The following SYT9 variants were observed in gnomAD, a reference collection of about 807,000 sequenced individuals.
SYT9 encodes synaptotagmin 9.
SYT9 carries 22 observed loss-of-function variants against 48.4 expected under a neutral mutation model. That is an observed-to-expected ratio of 0.45 (90% CI 0.32 to 0.65). SYT9 has a LOEUF of 0.65. Ranked by LOEUF, SYT9 falls within the 30% of genes least tolerant of loss-of-function variation. SYT9 has a pLI of 0.03. For synonymous variants in SYT9, 265 were observed against 245.0 expected, an observed-to-expected ratio of 1.08 and a Z score of -0.76; for missense variants, 577 against 622.0, an observed-to-expected ratio of 0.93 and a Z score of 0.77.
rs1434938522 is a variant in SYT9, at chr11:7,313,435, G to T, written c.538G>T (p.Asp180Tyr). Residue 180 changes from aspartate to tyrosine, a missense_variant, in exon 3 of 7, where the codon GAC becomes TAC. By Grantham distance (160) the Asp-to-Tyr change is radical. Transcript: ENST00000318881. ...IRRQLNLSNP[D>Y]FNIQQLQKQE... ...AAGACAACTCAACTTGTCAAACCCG[G>T]ACTTCAATATCCAGCAGCTTCAAAA... 2.5e-6 allele frequency: 4 copies of T among 1,613,496 alleles called. No individual in the cohort carries two copies. The Admixed American group carries it at 6.7e-5, about 27-fold the overall frequency.
chr11:7,328,863 T>C (rs1849481321), intron 3 of SYT9, among the ~76,000 whole-genome samples: 1 of 152,172 alleles, frequency 6.6e-6, no homozygotes, highest in African/African-American at 2.4e-5. Context: ...GGTATGCAAA[T>C]CTTGTGTGGA....
intron 1 of SYT9, among the ~76,000 whole-genome samples, chr11:7,274,420 G>A (rs1448328338): frequency 6.6e-6 from 1 of 150,464 alleles, no homozygotes; most frequent in Admixed American, 6.7e-5. Context: ...GGGTTCAAGC[G>A]ATTCTCCTGC....
intron 1 of SYT9, among the ~76,000 whole-genome samples, chr11:7,261,427 A>C (rs879500672): frequency 6.6e-6 from 1 of 152,174 alleles, no homozygotes; most frequent in Non-Finnish European, 1.5e-5. Context: ...ACCAGGCTCT[A>C]TCCTAGGTAT....
intron 1 of SYT9, among the ~76,000 whole-genome samples, chr11:7,263,419 A>C (rs1008270183): frequency 6.6e-6 from 1 of 152,198 alleles, no homozygotes; most frequent in Non-Finnish European, 1.5e-5. Context: ...AACTCTTAGC[A>C]TTATCATACT....
chr11:7,413,086 C>T (rs767830253), intron 3 of SYT9, among the ~76,000 whole-genome samples: 4 of 152,172 alleles, frequency 2.6e-5, no homozygotes, highest in African/African-American at 7.2e-5. Context: ...GCAGAATGCT[C>T]AGGTGAGGGC....
At chr11:7,347,003 T>C (rs1224282633) in intron 3 of SYT9, among the ~76,000 whole-genome samples, 4 of 152,156 alleles carry the variant, frequency 2.6e-5, no homozygotes, top group Non-Finnish European at 4.4e-5. Context: ...TGCAGGTGGG[T>C]GGGGCCCCTG....
chr11:7,247,583 ATATG>A (rs1215171298), upstream of SYT9, among the ~76,000 whole-genome samples: 5 of 147,900 alleles, frequency 3.4e-5, no homozygotes, highest in East Asian at 9.7e-4. Flanking sequence ...ATATACATAT[ATATG>A]TGTATATATA....
chr11:7,265,636 CT>C (rs1848165138), intron 1 of SYT9, among the ~76,000 whole-genome samples: 1 of 150,636 alleles, frequency 6.6e-6, no homozygotes, highest in Admixed American at 6.6e-5. Context: ...GAAACCCAAA[CT>C]CGAAAATGTG....
chr11:7,398,675 T>C (rs1187075405), intron 3 of SYT9, among the ~76,000 whole-genome samples: 4 of 152,176 alleles, frequency 2.6e-5, no homozygotes, highest in Admixed American at 1.3e-4. Flanking sequence ...TTAGCATCAG[T>C]ATATTACTAT....
chr11:7,295,528 TC>T, intron 1 of SYT9, among the ~76,000 whole-genome samples: 1 of 152,338 alleles, frequency 6.6e-6, no homozygotes, highest in East Asian at 1.9e-4. Context: ...CTTGAGGCTT[TC>T]TCTACAGCTC....
At chr11:7,409,760 T>A (rs1847098277) in intron 3 of SYT9, among the ~76,000 whole-genome samples, 1 of 152,158 alleles carries the variant, frequency 6.6e-6, no homozygotes, top group African/African-American at 2.4e-5. Flanking sequence ...TCTTGGTTAG[T>A]CTAGCTAGTG....
At chr11:7,420,759 A>G (rs757093153) in intron 6 of SYT9, 124 bp downstream of exon 6, 5 of 1,226,764 alleles carry the variant, frequency 4.1e-6, no homozygotes, top group Non-Finnish European at 5.7e-6. Context: ...TCCTGGTTGC[A>G]TTTCCTGGGG....
intron 1 of SYT9, among the ~76,000 whole-genome samples, chr11:7,266,218 G>A (rs760687627): frequency 1.3e-5 from 2 of 151,926 alleles, no homozygotes; most frequent in East Asian, 1.9e-4. Flanking sequence ...CTGTTCCACC[G>A]TGACTGCTAC....
At chr11:7,359,815 G>C (rs1345871612) in intron 3 of SYT9, among the ~76,000 whole-genome samples, 1 of 151,074 alleles carries the variant, frequency 6.6e-6, no homozygotes, top group African/African-American at 2.4e-5. Context: ...TGTTCACTCT[G>C]ATGGTAGTTT....
At chr11:7,371,211 A>G (rs1850355545) in intron 3 of SYT9, among the ~76,000 whole-genome samples, 1 of 152,100 alleles carries the variant, frequency 6.6e-6, no homozygotes, top group Non-Finnish European at 1.5e-5. Flanking sequence ...TTGCAAATAA[A>G]CCTTTAAATC....
chr11:7,338,393 T>C (rs189057835), intron 3 of SYT9, among the ~76,000 whole-genome samples: 26 of 152,312 alleles, frequency 1.7e-4, no homozygotes, highest in African/African-American at 5.3e-4. Flanking sequence ...TCTGCTAGTT[T>C]AGAGTTGCTT....
Position 7,414,023 on chromosome 11 carries a change from A to G in SYT9, c.1045-2019A>G, listed in dbSNP as rs549182919. ...GAGCAAATAGCCATATTGTATAAAT[A>G]TTTTTGAATGGGCTTATGTCGGAGG... On this transcript the variant is annotated intron_variant, in intron 3 of 6. Coordinates refer to ENST00000318881, the MANE Select transcript of SYT9 (RefSeq NM_175733.4). 3.3e-5 allele frequency among the ~76,000 whole-genome samples: 5 copies of G among 152,264 alleles called. No individual in the cohort carries two copies. The South Asian group carries it at 1.0e-3, about 32-fold the overall frequency.
intron 6 of SYT9, among the ~76,000 whole-genome samples, chr11:7,449,644 T>G (rs1394491093): frequency 6.6e-6 from 1 of 152,014 alleles, no homozygotes; most frequent in East Asian, 1.9e-4. Context: ...GAAAAGCAAC[T>G]GGACTGGGGG....
chr11:7,370,477 T>A (rs1850341738), intron 3 of SYT9, among the ~76,000 whole-genome samples: 1 of 152,096 alleles, frequency 6.6e-6, no homozygotes, highest in South Asian at 2.1e-4. Context: ...GAAGTTCCTT[T>A]CTAAGGTGAT....
Sources: gnomAD v4.1 joint callset for allele counts (sites outside exome capture counted in the v4.1 genomes callset) on GRCh38, gnomAD v4.1.1 for gene constraint, MANE v1.5 for transcripts, NCBI Gene and HGNC (gene_info 2026-07-23, HGNC 2026-07-21) for gene names.